Variants in PPME1 observed in about 807,000 individuals in gnomAD.
The protein encoded by PPME1 is protein phosphatase methylesterase 1, also known as testicular secretory protein Li 39.
A neutral mutation model predicts 56.9 loss-of-function variants in PPME1; 17 were observed. The observed-to-expected ratio is 0.30, with a 90% CI of 0.20 to 0.45. The LOEUF is 0.45. Ranked by LOEUF, PPME1 falls within the 20% of genes least tolerant of loss-of-function variation. The probability of loss-of-function intolerance (pLI) is 1.00; values close to 1 mark genes in which losing one functional copy is unlikely to be tolerated. For synonymous variants in PPME1, 122 were observed against 156.2 expected (o/e 0.78, Z 1.63); for missense variants, 357 against 483.2 (o/e 0.74, Z 2.45).
chr11:74,188,000 G>A (rs79568769), intron 1 of PPME1, among the ~76,000 whole-genome samples: 3,518 of 152,160 alleles, frequency 0.023, 127 homozygotes, highest in African/African-American at 0.079. Context: ...GTTGCTTGCC[G>A]GCTTTAAAGT....
At chr11:74,236,746 CT>C (rs761157357) in intron 8 of PPME1, among the ~76,000 whole-genome samples, 2 of 152,232 alleles carry the variant, frequency 1.3e-5, no homozygotes, top group African/African-American at 4.8e-5. Context: ...TGTATTTCCC[CT>C]AGTCACAAAA....
chr11:74,203,341 A>G lies in PPME1; in HGVS notation c.102-387A>G, dbSNP rs1277223884. Among the ~76,000 whole-genome samples the G allele has an allele frequency of 2.0e-5, 3 of 152,318 alleles. No individual in the cohort carries two copies. In the East Asian group the frequency reaches 5.8e-4, roughly 29 times the overall value. ...TTGACTGTTGACTGAGGTAGGAATGATATTAAAGTCAGTTGGGAGGATGGA... is the reference window on the plus strand; with the variant it reads ...TTGACTGTTGACTGAGGTAGGAATGGTATTAAAGTCAGTTGGGAGGATGGA... On this transcript the variant is annotated intron_variant, in intron 1 of 13. Coordinates refer to ENST00000328257, the MANE Select transcript of PPME1 (RefSeq NM_016147.3).
At chr11:74,182,182 C>G (rs1403099770) in intron 1 of PPME1, among the ~76,000 whole-genome samples, 2 of 152,082 alleles carry the variant, frequency 1.3e-5, no homozygotes, top group Non-Finnish European at 2.9e-5. Context: ...TTAACTGGTG[C>G]AAACTTGACT....
intron 3 of PPME1, chr11:74,205,122 C>T (rs1858295020): frequency 6.6e-6 from 1 of 152,200 alleles, no homozygotes; most frequent in African/African-American, 2.4e-5. Flanking sequence ...ATCACTTTGT[C>T]TCCCATATAG....
chr11:74,237,498 ATC>A (rs1348348690), intron 8 of PPME1, among the ~76,000 whole-genome samples: 2 of 151,654 alleles, frequency 1.3e-5, no homozygotes, highest in African/African-American at 2.4e-5. Context: ...GATGGTCTCT[ATC>A]TCCTGACCTC....
chr11:74,209,844 T>G lies in PPME1; in HGVS notation c.288+5399T>G, dbSNP rs554395197. The stretch of plus-strand genomic sequence containing the variant: ...ATTTGATTTATGAAGGTATTATTAG[T>G]CTGATACCAAAACCAGGCAATGATA... On this transcript the variant is annotated intron_variant, in intron 3 of 13. Transcript: ENST00000328257. 6.2e-4 allele frequency among the ~76,000 whole-genome samples: 94 copies of G among 152,360 alleles called. 2 individuals are homozygous for G. The highest frequency in any genetic ancestry group is 4.1e-4 in the South Asian group (2 of 4,828).
At chr11:74,183,172 C>T (rs1159714768) in intron 1 of PPME1, among the ~76,000 whole-genome samples, 1 of 151,952 alleles carries the variant, frequency 6.6e-6, no homozygotes, top group African/African-American at 2.4e-5. Flanking sequence ...TAGCATGTCC[C>T]TATAGTCCCA....
At chr11:74,212,613 G>A (rs143503424) in intron 3 of PPME1, among the ~76,000 whole-genome samples, 6 of 152,142 alleles carry the variant, frequency 3.9e-5, no homozygotes, top group Non-Finnish European at 7.4e-5. Flanking sequence ...CTTGAAGAGA[G>A]GAGAGGAAAG....
rs72986709 is a variant in PPME1 at position 74,197,812 on chromosome 11, G to A, written c.102-5916G>A. Reference sequence around the variant, plus strand: ...CGTAGATAGGTTTCTTGAAACCAGTGGAATTATAGCAAAATACATGTGCAT... The same window carrying A: ...CGTAGATAGGTTTCTTGAAACCAGTAGAATTATAGCAAAATACATGTGCAT... On this transcript the variant is annotated intron_variant, in intron 1 of 13. Transcript: ENST00000328257. Among the ~76,000 whole-genome samples, 282 of 152,260 alleles carry A rather than the reference G, an allele frequency of 1.9e-3. 2 individuals are homozygous for A. Among genetic ancestry groups the A allele is most frequent in the Non-Finnish European group, 3.2e-3 (217 of 68,006 alleles).
In PPME1 at chr11:74,253,634, C is replaced by T. The variant is rs997677441; in HGVS notation, c.*124C>T. On this transcript the variant is annotated 3_prime_UTR_variant, in exon 14 of 14. Coordinates refer to ENST00000328257, the MANE Select transcript of PPME1 (RefSeq NM_016147.3). ...CCATGTGACACTGGCTCCCGGTAGA[C>T]GGGCACCCCGAGATGTACCAACCTT... The T allele has an allele frequency of 2.4e-5, 27 of 1,102,862 alleles. No individual in the cohort carries two copies. In the Admixed American group the frequency reaches 4.3e-4, roughly 18 times the overall value. 68.3% of individuals were successfully genotyped at this position (1,102,862 alleles called of 1,614,324 possible).
rs112974443 is a variant in PPME1 at position 74,214,955 on chromosome 11, A to G, written c.289-7357A>G. On this transcript the variant is annotated intron_variant, in intron 3 of 13. Transcript: ENST00000328257. ...TAATTGTTGTGTGTAAACAACTCAT[A>G]TCTTGAGTAGAAAGACTAAAAGAGG... Among the ~76,000 whole-genome samples, 1,352 of 152,342 alleles carry G rather than the reference A, an allele frequency of 8.9e-3. 11 individuals carry two copies. Among genetic ancestry groups the G allele is most frequent in the Middle Eastern group, 0.024 (7 of 294 alleles).
intron 5 of PPME1, 35 bp downstream of exon 5, chr11:74,225,291 C>G: frequency 2.9e-6 from 4 of 1,385,074 alleles, no homozygotes; most frequent in Non-Finnish European, 3.0e-6. Flanking sequence ...CATTGCCTGT[C>G]TCCCATCACT....
At chr11:74,227,045 G>T (rs1006097037) in intron 5 of PPME1, among the ~76,000 whole-genome samples, 1 of 152,086 alleles carries the variant, frequency 6.6e-6, no homozygotes, top group Non-Finnish European at 1.5e-5. Flanking sequence ...GCCCTCTAGG[G>T]TATAGGGAAA....
At chr11:74,214,155 AAAG>A (rs1342325412) in intron 3 of PPME1, among the ~76,000 whole-genome samples, 4 of 152,238 alleles carry the variant, frequency 2.6e-5, no homozygotes, top group Non-Finnish European at 5.9e-5. Context: ...AAATAATTAA[AAAG>A]AACAGAAATT....
intron 8 of PPME1, chr11:74,238,167 ACT>A (rs987063714): frequency 5.4e-5 from 8 of 148,328 alleles, no homozygotes; most frequent in Non-Finnish European, 1.2e-4. Flanking sequence ...TCTTTGTTAC[ACT>A]GTTTTTTTTT....
intron 1 of PPME1, among the ~76,000 whole-genome samples, chr11:74,191,739 A>G (rs949694609): frequency 6.6e-4 from 100 of 152,330 alleles, no homozygotes; most frequent in African/African-American, 2.3e-3. Context: ...CAAGCACTGT[A>G]AGCCTTGACC....
Position 74,252,346 on chromosome 11 carries a change from CTAA to C in PPME1, c.1142+632_1142+634del, listed in dbSNP as rs1859721070. ...CAAGTGATCCACCCGCATCGGCCTC[CTAA>C]AGTGTTGGGATTATAGGGATTATAG... On this transcript the variant is annotated intron_variant, in intron 13 of 13. Transcript: ENST00000328257. The C allele has an allele frequency of 1.4e-5, 6 of 433,416 alleles. No individual in the cohort carries two copies. In the Admixed American group the frequency reaches 1.4e-4, roughly 10 times the overall value. 26.8% of individuals were successfully genotyped at this position (433,416 alleles called of 1,614,324 possible). A position where few individuals can be genotyped will look rare whatever the true frequency, so the allele number is the denominator to read the frequency against.
chr11:74,178,560 A>T (rs923660010), intron 1 of PPME1, among the ~76,000 whole-genome samples: 9 of 152,328 alleles, frequency 5.9e-5, no homozygotes, highest in African/African-American at 2.2e-4. Context: ...ATCTGGCCCA[A>T]ATCCTGAGGT....
At chr11:74,200,529 C>T (rs1220356195) in intron 1 of PPME1, among the ~76,000 whole-genome samples, 3 of 152,044 alleles carry the variant, frequency 2.0e-5, no homozygotes, top group Non-Finnish European at 1.5e-5. Context: ...ACTACAGGTG[C>T]GTGCCACCAT....
Sources: gnomAD v4.1 joint callset for allele counts (sites outside exome capture counted in the v4.1 genomes callset) on GRCh38, gnomAD v4.1.1 for gene constraint, MANE v1.5 for transcripts, NCBI Gene and HGNC (gene_info 2026-07-23, HGNC 2026-07-21) for gene names.